Variants in USP42 observed in about 807,000 individuals in gnomAD.
USP42 encodes the protein ubiquitin specific peptidase 42, also known as ubiquitin carboxyl-terminal hydrolase 42.
Under a neutral mutation model 113.0 loss-of-function variants are expected in USP42, and 23 were observed. That is an observed-to-expected ratio of 0.20 (90% CI 0.15 to 0.29). USP42 has a LOEUF of 0.29. Ranked by LOEUF, USP42 falls within the 10% of genes least tolerant of loss-of-function variation. The pLI is 1.00. For synonymous variants in USP42, 933 were observed against 699.0 expected, an observed-to-expected ratio of 1.33 and a Z score of -5.28; for missense variants, 2,174 against 1,779.8, an observed-to-expected ratio of 1.22 and a Z score of -3.99.
rs192748891 is a variant in USP42, at chr7:6,130,472, G to T, written c.443-5369G>T. Among the ~76,000 whole-genome samples, 4 of 152,296 alleles carry T rather than the reference G, an allele frequency of 2.6e-5. No homozygotes were observed. The East Asian group carries it at 7.7e-4, about 29-fold the overall frequency. On this transcript the variant is annotated intron_variant, in intron 3 of 17. Coordinates refer to ENST00000306177, the MANE Select transcript of USP42 (RefSeq NM_032172.3). ...GGCCATAGTGGTGGCAGAGTTTAGAGGTGGCTTTTTACTACTGGGTGGGTG... is the reference window on the plus strand; with the variant it reads ...GGCCATAGTGGTGGCAGAGTTTAGATGTGGCTTTTTACTACTGGGTGGGTG...
At chr7:6,132,659 A>T (rs1466495982) in intron 3 of USP42, among the ~76,000 whole-genome samples, 2 of 148,310 alleles carry the variant, frequency 1.3e-5, no homozygotes, top group African/African-American at 2.5e-5. Context: ...AAGCCAGCCT[A>T]TGTAATGTTT....
chr7:6,106,239 G>A (rs1295769878), intron 1 of USP42, among the ~76,000 whole-genome samples: 1 of 152,078 alleles, frequency 6.6e-6, no homozygotes, highest in Admixed American at 6.6e-5. Context: ...TTAAGACGAA[G>A]GTTTTGTCTT....
intron 7 of USP42, among the ~76,000 whole-genome samples, chr7:6,142,364 G>A (rs901346869): frequency 1.3e-5 from 2 of 151,788 alleles, no homozygotes; most frequent in African/African-American, 2.4e-5. Context: ...CTACAGGCGC[G>A]TGCCACTGTG....
chr7:6,132,064 C>G (rs1780880152), intron 3 of USP42, among the ~76,000 whole-genome samples: 1 of 152,120 alleles, frequency 6.6e-6, no homozygotes, highest in African/African-American at 2.4e-5. Flanking sequence ...TCCTGAATAG[C>G]TGGGACTACA....
intron 3 of USP42, among the ~76,000 whole-genome samples, chr7:6,132,393 C>G (rs1169824977): frequency 6.6e-6 from 1 of 151,320 alleles, no homozygotes; most frequent in Non-Finnish European, 1.5e-5. Flanking sequence ...AGTTTCACTC[C>G]GTGGCCCAGG....
At chr7:6,090,457 C>G in the USP42 span, among the ~76,000 whole-genome samples, 1 of 145,010 alleles carries the variant, frequency 6.9e-6, no homozygotes, top group African/African-American at 2.6e-5. Flanking sequence ...GCTCACACCT[C>G]TAATCCCGGC....
chr7:6,131,940 A>G (rs1028542252), intron 3 of USP42, among the ~76,000 whole-genome samples: 5 of 152,046 alleles, frequency 3.3e-5, no homozygotes, highest in African/African-American at 1.2e-4. Flanking sequence ...TGTTAACATT[A>G]TTTGTCTTTT....
intron 3 of USP42, among the ~76,000 whole-genome samples, chr7:6,126,172 T>G (rs560840940): frequency 5.3e-5 from 8 of 152,230 alleles, no homozygotes; most frequent in Non-Finnish European, 8.8e-5. Flanking sequence ...ATGTAACCTT[T>G]TGGAATTGGC....
chr7:6,108,016 T>C (rs1162125311), intron 1 of USP42, among the ~76,000 whole-genome samples: 1 of 151,974 alleles, frequency 6.6e-6, no homozygotes, highest in Non-Finnish European at 1.5e-5. Context: ...GAAACCCGGC[T>C]CCACTAAAAA....
chr7:6,111,771 T>TA (rs1448364550), intron 2 of USP42: 1 of 149,826 alleles, frequency 6.7e-6, no homozygotes, highest in African/African-American at 2.9e-5. Flanking sequence ...CCCGGCTAAT[T>TA]TTTTTTTTTT....
chr7:6,134,720 A>G (rs149087714), intron 3 of USP42, among the ~76,000 whole-genome samples: 206 of 152,332 alleles, frequency 1.4e-3, no homozygotes, highest in African/African-American at 4.7e-3. Flanking sequence ...AAGATATGCC[A>G]TAGAGACCAC....
intron 3 of USP42, among the ~76,000 whole-genome samples, chr7:6,135,315 G>A (rs1781072877): frequency 6.6e-6 from 1 of 152,034 alleles, no homozygotes; most frequent in Non-Finnish European, 1.5e-5. Flanking sequence ...CCTTTCTTGT[G>A]AAAGAGAGCT....
chr7:6,146,235 C>A lies in USP42; in HGVS notation c.1219C>A (p.Leu407Ile). 6.3e-7 allele frequency: 1 copy of A among 1,590,408 alleles called. No homozygotes were observed. The highest frequency in any genetic ancestry group is 8.6e-7 in the Non-Finnish European group (1 of 1,169,356). ...GGTACTCAGCCAACAAGCCTATGTG[C>A]TCTTTTATATCAGGTATTGTCATGA... is the stretch of plus-strand genomic sequence containing the variant. ...RSVLSQQAYV[L>I]FYIRSHDVKN... Residue 407 changes from leucine to isoleucine, a missense_variant, in exon 11 of 18, where the codon CTC (leucine) becomes ATC (isoleucine). Coordinates refer to ENST00000306177, the MANE Select transcript of USP42 (RefSeq NM_032172.3).
At chr7:6,143,593 T>C (rs970679054) in intron 8 of USP42, among the ~76,000 whole-genome samples, 19 of 152,286 alleles carry the variant, frequency 1.2e-4, no homozygotes, top group African/African-American at 4.3e-4. Context: ...AATTTTTTTA[T>C]TGTCAAATCT....
chr7:6,124,643 G>T (rs147311212), intron 3 of USP42, among the ~76,000 whole-genome samples: 180 of 152,164 alleles, frequency 1.2e-3, no homozygotes, highest in African/African-American at 3.9e-3. Flanking sequence ...TTTATTTTGA[G>T]GCATTATACC....
chr7:6,114,680 T>TATA (rs59463139), intron 2 of USP42, among the ~76,000 whole-genome samples: 3 of 35,954 alleles, frequency 8.3e-5, no homozygotes, highest in African/African-American at 6.1e-4. Flanking sequence ...ATATATATAT[T>TATA]TTTTTTTTTT....
At chr7:6,089,241 A>G in the USP42 span, among the ~76,000 whole-genome samples, 1 of 144,018 alleles carries the variant, frequency 6.9e-6, no homozygotes, top group East Asian at 2.0e-4. Context: ...TTTAGTAGAG[A>G]CAGGGTTTCA....
chr7:6,085,857 C>G, the USP42 span, among the ~76,000 whole-genome samples: 4 of 150,742 alleles, frequency 2.7e-5, no homozygotes, highest in East Asian at 7.8e-4. Flanking sequence ...TTGTGATCTG[C>G]CCGCCTTGGC....
rs1782292491 is a variant in USP42 at position 6,154,486 on chromosome 7, C to T, written c.2932C>T (p.His978Tyr). The stretch of plus-strand genomic sequence containing the variant: ...CAGGAGCAAGACTGAGGGCCACCGT[C>T]ACCGGCGGCGCCGCACCTGCCCCCG... Reference protein sequence around the residue: ...ESRSKTEGHRHRRRRTCPRER... With the variant: ...ESRSKTEGHRYRRRRTCPRER... The change falls in exon 15 of 18, where the codon CAC becomes TAC. Residue 978 changes from histidine (H) to tyrosine (Y), a missense_variant. Coordinates refer to ENST00000306177, the MANE Select transcript of USP42 (RefSeq NM_032172.3). 2 of 1,548,310 alleles carry T rather than the reference C, an allele frequency of 1.3e-6. No individual in the cohort carries two copies. Among genetic ancestry groups the T allele is most frequent in the South Asian group, 1.2e-5 (1 of 84,086 alleles).
Sources: allele counts gnomAD v4.1 joint callset (sites outside exome capture counted in the v4.1 genomes callset), GRCh38; gene constraint gnomAD v4.1.1; transcripts MANE v1.5; gene names NCBI Gene and HGNC (gene_info 2026-07-23, HGNC 2026-07-21).